Variants in CNIH3 observed in about 807,000 individuals in gnomAD.
The protein encoded by CNIH3 is cornichon family AMPA receptor auxiliary protein 3, also known as protein cornichon homolog 3.
In CNIH3, 14 loss-of-function variants were observed where a neutral mutation model predicts 24.1. The ratio of observed to expected loss-of-function variants is 0.58; its 90% confidence interval spans 0.38 to 0.91. CNIH3 has a LOEUF of 0.91. Among genes scored for constraint, CNIH3 ranks in the 40% least tolerant of loss-of-function variants. The pLI, the probability that CNIH3 is intolerant of heterozygous loss-of-function variation, is 0.00. For missense variants in CNIH3, 178 were observed against 196.8 expected (o/e 0.90, Z 0.57); for synonymous variants, 68 against 73.8 (o/e 0.92, Z 0.40).
At chr1:224,565,824 T>C (rs1341444891) in intron 3 of CNIH3, 1 of 152,174 alleles carries the variant, frequency 6.6e-6, no homozygotes, top group Non-Finnish European at 1.5e-5. Flanking sequence ...CTCCATGAGG[T>C]AGGGAATTAT....
intron 2 of CNIH3, among the ~76,000 whole-genome samples, chr1:224,522,476 A>G (rs1313775333): frequency 6.6e-6 from 1 of 152,228 alleles, no homozygotes; most frequent in African/African-American, 2.4e-5. Flanking sequence ...GTGAAAGCCC[A>G]AGCCACAGGT....
intron 1 of CNIH3, among the ~76,000 whole-genome samples, chr1:224,494,634 G>T (rs1375470859): frequency 6.6e-6 from 1 of 152,080 alleles, no homozygotes; most frequent in Non-Finnish European, 1.5e-5. Flanking sequence ...AACTTCTATG[G>T]TTCTTTCGGG....
chr1:224,639,752 T>C (rs1684268121), intron 1 of CNIH3, among the ~76,000 whole-genome samples: 1 of 152,196 alleles, frequency 6.6e-6, no homozygotes, highest in Non-Finnish European at 1.5e-5. Flanking sequence ...AGGGAAATCA[T>C]GCCACAGGCC....
chr1:224,516,699 A>G lies in CNIH3; in HGVS notation n.15+823A>G, dbSNP rs149130909. 9.4e-4 allele frequency among the ~76,000 whole-genome samples: 143 copies of G among 152,360 alleles called. 1 individual carries two copies. The highest frequency in any genetic ancestry group is 3.4e-3 in the African/African-American group (140 of 41,584). On this transcript the variant is annotated intron_variant and non_coding_transcript_variant, in intron 1 of 2. Transcript: ENST00000470602. ...TGGCCCCTGCATGGGTCTGCACTGC[A>G]AGAGCAGATAAGCCATTCGGCGCCT...
At chr1:224,541,184 G>A (rs116823354), downstream of CNIH3, among the ~76,000 whole-genome samples, 3,604 of 152,222 alleles carry the variant, frequency 0.024, 141 homozygotes, top group African/African-American at 0.081. Flanking sequence ...AAAGCACAGC[G>A]GAAAGCAGAT....
At chr1:224,682,934 G>A (rs945459990) in intron 2 of CNIH3, among the ~76,000 whole-genome samples, 4 of 152,168 alleles carry the variant, frequency 2.6e-5, no homozygotes, top group Non-Finnish European at 5.9e-5. Flanking sequence ...TTCCATGCTG[G>A]GTTGCAGGTG....
At chr1:224,707,431 C>CCCCCGCCCAA in intron 3 of CNIH3, among the ~76,000 whole-genome samples, 1 of 151,474 alleles carries the variant, frequency 6.6e-6, no homozygotes, top group Non-Finnish European at 1.5e-5. Context: ...GGAGAGACAC[C>CCCCCGCCCAA]CCCCGCCCCA....
chr1:224,445,466 C>T (rs1675117704), intron 1 of CNIH3, among the ~76,000 whole-genome samples: 1 of 149,360 alleles, frequency 6.7e-6, no homozygotes, highest in Admixed American at 6.8e-5. Context: ...ATCCCAGCTA[C>T]TTGGGAGTCT....
chr1:224,512,552 T>C (rs1156744411), upstream of CNIH3, among the ~76,000 whole-genome samples: 3 of 152,218 alleles, frequency 2.0e-5, no homozygotes. Context: ...TCAACCAAAA[T>C]GAACAAATGT....
At chr1:224,627,063 T>C (rs6665204) in intron 1 of CNIH3, among the ~76,000 whole-genome samples, 104,525 of 151,996 alleles carry the variant, frequency 0.69, 37,302 homozygotes, top group East Asian at 0.99. Context: ...AGAACAGGGC[T>C]CTTGGTGTCC....
At chr1:224,437,396 C>G (rs144419528) in intron 1 of CNIH3, among the ~76,000 whole-genome samples, 430 of 152,300 alleles carry the variant, frequency 2.8e-3, no homozygotes, top group Non-Finnish European at 5.4e-3. Flanking sequence ...AGCAAACAAG[C>G]CTTTTTCACA....
chr1:224,529,347 C>T (rs1678970914), intron 2 of CNIH3: 1 of 152,128 alleles, frequency 6.6e-6, no homozygotes, highest in South Asian at 2.1e-4. Flanking sequence ...AAATCCAGCT[C>T]CTGCAGGATA....
chr1:224,473,726 T>C (rs529779885), intron 1 of CNIH3, among the ~76,000 whole-genome samples: 1 of 152,292 alleles, frequency 6.6e-6, no homozygotes, highest in African/African-American at 2.4e-5. Context: ...ACTTCCAGCA[T>C]TGGGCACATC....
At chr1:224,696,631 G>A (rs945676710) in intron 3 of CNIH3, among the ~76,000 whole-genome samples, 1 of 152,220 alleles carries the variant, frequency 6.6e-6, no homozygotes, top group African/African-American at 2.4e-5. Flanking sequence ...TATGGGTTGT[G>A]GGGAGCTGGG....
chr1:224,668,867 C>T (rs58923203), intron 1 of CNIH3, among the ~76,000 whole-genome samples: 2,703 of 148,188 alleles, frequency 0.018, 77 homozygotes, highest in African/African-American at 0.063. Context: ...GTGCTTCATG[C>T]GCAGGGCCAG....
intron 2 of CNIH3, chr1:224,521,496 T>C (rs1471891437): frequency 2.0e-5 from 3 of 152,226 alleles, no homozygotes; most frequent in African/African-American, 7.2e-5. Flanking sequence ...TGAAGGGGCC[T>C]CTGTGTCCAT....
chr1:224,529,786 A>G (rs1436690549), intron 2 of CNIH3, among the ~76,000 whole-genome samples: 2 of 152,246 alleles, frequency 1.3e-5, no homozygotes, highest in Non-Finnish European at 2.9e-5. Flanking sequence ...TCTGAACTCT[A>G]GTTAGGCCTA....
chr1:224,455,765 C>T lies in CNIH3; in HGVS notation n.203+20903C>T, dbSNP rs187523269. Among the ~76,000 whole-genome samples, 6 of 152,262 alleles carry T rather than the reference C, an allele frequency of 3.9e-5. No homozygotes were observed. In the East Asian group the frequency reaches 9.7e-4, roughly 24 times the overall value. On this transcript the variant is annotated intron_variant and non_coding_transcript_variant, in intron 1 of 5. Coordinates refer to the CNIH3 transcript ENST00000471578. ...AAAATCTCAGTTGCCAAACCTGTGT[C>T]GGCCACATTAAAGCAACAGTTACTA...
intron 4 of CNIH3, among the ~76,000 whole-genome samples, chr1:224,582,063 G>C (rs566599528): frequency 2.0e-5 from 3 of 152,258 alleles, no homozygotes; most frequent in South Asian, 2.1e-4. Context: ...TTGGACAGAG[G>C]GGGTGTGGGG....
Sources: allele counts gnomAD v4.1 joint callset (sites outside exome capture counted in the v4.1 genomes callset), GRCh38; gene constraint gnomAD v4.1.1; transcripts MANE v1.5; gene names NCBI Gene and HGNC (gene_info 2026-07-23, HGNC 2026-07-21).